CALD1: variants seen among roughly 807,000 people sequenced by gnomAD.
CALD1 encodes caldesmon 1.
In CALD1, 33 loss-of-function variants were observed where a neutral mutation model predicts 99.9. That is an observed-to-expected ratio of 0.33 (90% CI 0.25 to 0.44). CALD1 has a LOEUF of 0.44. Among genes scored for constraint, CALD1 ranks in the 20% least tolerant of loss-of-function variants. The probability of loss-of-function intolerance (pLI) is 1.00; values close to 1 mark genes in which losing one functional copy is unlikely to be tolerated. For missense variants in CALD1, 861 were observed against 962.1 expected, an observed-to-expected ratio of 0.89 and a Z score of 1.39; for synonymous variants, 310 against 325.0, an observed-to-expected ratio of 0.95 and a Z score of 0.50.
At chr7:134,733,094 C>T in the CALD1 span, among the ~76,000 whole-genome samples, 2 of 152,254 alleles carry the variant, frequency 1.3e-5, no homozygotes, top group African/African-American at 4.8e-5. Context: ...CTCCTCTCCT[C>T]TTGAGCGCTG....
At chr7:134,887,844 GTGTGTGTGCC>G (rs931690164) in intron 3 of CALD1, among the ~76,000 whole-genome samples, 7 of 150,732 alleles carry the variant, frequency 4.6e-5, no homozygotes, top group South Asian at 2.1e-4. Flanking sequence ...ATTCGTGTAT[GTGTGTGTGCC>G]TGTGTGTGCA....
intron 3 of CALD1, among the ~76,000 whole-genome samples, chr7:134,896,533 G>T (rs1001986894): frequency 6.6e-6 from 1 of 152,218 alleles, no homozygotes. Context: ...TGCACGAGCA[G>T]TGGTGATTAT....
chr7:134,807,519 G>T (rs1339371920), intron 1 of CALD1, among the ~76,000 whole-genome samples: 1 of 152,120 alleles, frequency 6.6e-6, no homozygotes, highest in Non-Finnish European at 1.5e-5. Flanking sequence ...AGAATTGTAG[G>T]GTTCTGGCTC....
the CALD1 span, among the ~76,000 whole-genome samples, chr7:134,722,667 ACCTCAGCCTC>A: frequency 6.6e-6 from 1 of 151,922 alleles, no homozygotes; most frequent in Non-Finnish European, 1.5e-5. Context: ...TGATCTGCCC[ACCTCAGCCTC>A]CCAAAGTGCT....
intron 1 of CALD1, among the ~76,000 whole-genome samples, chr7:134,789,878 G>A (rs1021788430): frequency 2.6e-5 from 4 of 151,992 alleles, no homozygotes; most frequent in East Asian, 3.8e-4. Context: ...AACTTCCACT[G>A]TCCTTTCCAA....
intron 5 of CALD1, among the ~76,000 whole-genome samples, chr7:134,934,506 G>A (rs1805802332): frequency 6.6e-6 from 1 of 152,090 alleles, no homozygotes; most frequent in South Asian, 2.1e-4. Flanking sequence ...CCTCACTCAT[G>A]GGTTTGACGT....
intron 2 of CALD1, among the ~76,000 whole-genome samples, chr7:134,865,165 GA>G (rs1800748186): frequency 6.6e-6 from 1 of 151,404 alleles, no homozygotes; most frequent in African/African-American, 2.4e-5. Flanking sequence ...TGGGGACGTA[GA>G]AGAGAAAAAG....
rs752731898 is a variant in CALD1, at chr7:134,950,393, A to G, written c.1814A>G (p.Lys605Arg). The G allele has an allele frequency of 2.5e-6, 4 of 1,614,172 alleles. No individual in the cohort carries two copies. Among genetic ancestry groups the G allele is most frequent in the Non-Finnish European group, 3.4e-6 (4 of 1,180,006 alleles). The part of the protein sequence containing the change: ...LREEEEKRRL[K>R]EEIERRRAEA... ...TCTTAGGAAGAGAAGAGGAGGCTAA[A>G]GGAAGAGATTGAAAGGCGAAGAGCA... Residue 605 changes from lysine (K) to arginine (R), a missense_variant, in exon 9 of 15, where the codon AAG (lysine) becomes AGG (arginine). Physicochemically the swap from Lys to Arg is conservative, Grantham distance 26. Transcript: ENST00000361675.
At chr7:134,770,085 A>G (rs1212992475) in intron 1 of CALD1, among the ~76,000 whole-genome samples, 1 of 152,114 alleles carries the variant, frequency 6.6e-6, no homozygotes, top group African/African-American at 2.4e-5. Context: ...CTCTCACTTA[A>G]TATTTATAAA....
At chr7:134,711,660 C>CTCTCTCTCTCTCTCTCTCTA in the CALD1 span, among the ~76,000 whole-genome samples, 1 of 78,344 alleles carries the variant, frequency 1.3e-5, no homozygotes, top group African/African-American at 6.2e-5. Flanking sequence ...CTCTCTCTCT[C>CTCTCTCTCTCTCTCTCTCTA]TATATATATA....
intron 9 of CALD1, among the ~76,000 whole-genome samples, chr7:134,951,633 C>T (rs1774653014): frequency 6.6e-6 from 1 of 152,192 alleles, no homozygotes; most frequent in African/African-American, 2.4e-5. Flanking sequence ...GGTCCTATGA[C>T]AGCCTTCATG....
chr7:134,821,622 AC>A (rs58685300), intron 1 of CALD1, among the ~76,000 whole-genome samples: 27,477 of 108,120 alleles, frequency 0.25, 4,456 homozygotes, highest in East Asian at 0.55. Flanking sequence ...TCGCTCCGTC[AC>A]CCAGGCTGGA....
intron 3 of CALD1, among the ~76,000 whole-genome samples, chr7:134,890,070 G>A (rs974599392): frequency 1.3e-5 from 2 of 151,974 alleles, no homozygotes; most frequent in African/African-American, 2.4e-5. Flanking sequence ...CACCAAGCCC[G>A]GGTAATTTTT....
intron 13 of CALD1, 75 bp from the exon 14 acceptor site, chr7:134,965,231 G>A (rs1808582059): frequency 1.3e-6 from 1 of 780,074 alleles, no homozygotes; most frequent in African/African-American, 1.7e-5. Context: ...AACAATAGAT[G>A]TGGCCATTTA....
chr7:134,937,018 C>T (rs1411251483), intron 6 of CALD1, among the ~76,000 whole-genome samples: 1 of 152,112 alleles, frequency 6.6e-6, no homozygotes, highest in Non-Finnish European at 1.5e-5. Flanking sequence ...TACCTCAGAA[C>T]TAAACTCAGA....
intron 1 of CALD1, among the ~76,000 whole-genome samples, chr7:134,804,252 T>G (rs1345661636): frequency 6.6e-6 from 1 of 152,232 alleles, no homozygotes; most frequent in Non-Finnish European, 1.5e-5. Context: ...TGATTACATT[T>G]TCTTTCTATA....
At chr7:134,951,204 C>T (rs1004508468) in intron 9 of CALD1, among the ~76,000 whole-genome samples, 2 of 152,232 alleles carry the variant, frequency 1.3e-5, no homozygotes, top group Non-Finnish European at 2.9e-5. Context: ...AATACCAACA[C>T]ATCAAGGACT....
chr7:134,805,485 C>A (rs140737239), intron 1 of CALD1, among the ~76,000 whole-genome samples: 6 of 152,220 alleles, frequency 3.9e-5, no homozygotes, highest in African/African-American at 1.4e-4. Flanking sequence ...GTTCTCTATG[C>A]CCCTGGAAAT....
chr7:134,867,841 A>G, intron 3 of CALD1, 37 bp downstream of exon 3: 1 of 1,361,690 alleles, frequency 7.3e-7, no homozygotes, highest in Non-Finnish European at 1.0e-6. Flanking sequence ...GTATTCCCTT[A>G]TTAACAACCT....
Sources: gnomAD v4.1 joint callset for allele counts (sites outside exome capture counted in the v4.1 genomes callset) on GRCh38, gnomAD v4.1.1 for gene constraint, MANE v1.5 for transcripts, NCBI Gene and HGNC (gene_info 2026-07-23, HGNC 2026-07-21) for gene names.